The following YWHAE variants were observed in gnomAD, a reference collection of about 807,000 sequenced individuals.
YWHAE encodes 14-3-3 protein epsilon.
A neutral mutation model predicts 30.1 loss-of-function variants in YWHAE; 4 were observed. The ratio of observed to expected loss-of-function variants is 0.13; its 90% CI spans 0.07 to 0.30. YWHAE has a LOEUF of 0.30. Among genes scored for constraint, YWHAE ranks in the 10% least tolerant of loss-of-function variants. The pLI is 1.00. For synonymous variants in YWHAE, 118 were observed against 111.8 expected (o/e 1.06, Z -0.35); for missense variants, 121 against 315.9 (o/e 0.38, Z 4.68).
chr17:1,345,960 T>C (rs1359301966), intron 5 of YWHAE, among the ~76,000 whole-genome samples: 1 of 152,218 alleles, frequency 6.6e-6, no homozygotes, highest in East Asian at 1.9e-4. Flanking sequence ...CAATAAACTG[T>C]TGCCAAGAAG....
intron 1 of YWHAE, among the ~76,000 whole-genome samples, chr17:1,383,812 G>C (rs1182041993): frequency 6.6e-6 from 1 of 152,082 alleles, no homozygotes; most frequent in African/African-American, 2.4e-5. Flanking sequence ...CGCAATCTCC[G>C]CACTTTGGGA....
chr17:1,395,386 G>A (rs568866622), intron 1 of YWHAE, among the ~76,000 whole-genome samples: 40 of 151,950 alleles, frequency 2.6e-4, no homozygotes, highest in African/African-American at 8.9e-4. Flanking sequence ...AAAATTAGCC[G>A]AGTGTGGTGG....
intron 1 of YWHAE, among the ~76,000 whole-genome samples, chr17:1,382,441 CCGCCTCCCG>C (rs941567440): frequency 1.3e-5 from 2 of 150,630 alleles, no homozygotes; most frequent in Admixed American, 1.3e-4. Context: ...CCGGCAAGCT[CCGCCTCCCG>C]GGTTCTGGCC....
chr17:1,351,127 G>A (rs772528943), intron 5 of YWHAE, among the ~76,000 whole-genome samples: 2 of 151,978 alleles, frequency 1.3e-5, no homozygotes, highest in Non-Finnish European at 2.9e-5. Flanking sequence ...TTGGGAGGCC[G>A]AGATGGGCAG....
At chr17:1,392,110 A>G (rs900357578) in intron 1 of YWHAE, among the ~76,000 whole-genome samples, 3 of 152,134 alleles carry the variant, frequency 2.0e-5, no homozygotes, top group Non-Finnish European at 4.4e-5. Context: ...TGAGGTGCCC[A>G]GGGGGTCAAA....
At chr17:1,394,448 A>AAAAAAAAAAAAAACAAAC in intron 1 of YWHAE, among the ~76,000 whole-genome samples, 2 of 149,360 alleles carry the variant, frequency 1.3e-5, no homozygotes, top group African/African-American at 5.0e-5. Context: ...AAAAAAAAAA[A>AAAAAAAAAAAAAACAAAC]AAAAAAAAAA....
intron 1 of YWHAE, among the ~76,000 whole-genome samples, chr17:1,397,246 C>G (rs2073488312): frequency 6.6e-6 from 1 of 152,150 alleles, no homozygotes. Context: ...ACAGTAAGAG[C>G]TGTTTGAGAA....
chr17:1,397,606 A>C (rs2073494139), intron 1 of YWHAE, among the ~76,000 whole-genome samples: 1 of 152,200 alleles, frequency 6.6e-6, no homozygotes, highest in Admixed American at 6.6e-5. Context: ...TTTGGGTACA[A>C]GTACCCAACA....
intron 1 of YWHAE, among the ~76,000 whole-genome samples, chr17:1,385,549 C>A (rs1202169030): frequency 2.0e-5 from 3 of 152,110 alleles, no homozygotes; most frequent in African/African-American, 7.2e-5. Flanking sequence ...ACAATTTTTC[C>A]ACAGACCAGT....
chr17:1,382,112 A>C (rs1436857512), intron 1 of YWHAE, among the ~76,000 whole-genome samples: 1 of 152,062 alleles, frequency 6.6e-6, no homozygotes, highest in Non-Finnish European at 1.5e-5. Context: ...GCAGTGGCGC[A>C]ATCTCGGCTC....
chr17:1,362,033 A>C lies in YWHAE; in HGVS notation c.265-25T>G, dbSNP rs2072872457. The C allele has an allele frequency of 2.9e-6, 4 of 1,385,128 alleles. No homozygotes were observed. The East Asian group carries it at 9.9e-5, about 34-fold the overall frequency. The allele number at this position is 1,385,128 out of a possible 1,614,324, so 85.8% of individuals were successfully genotyped here. ...CCTAAAAAAAAAAAAATTTTTTTTAAATCAGATTAAGTCTAGAAATTCTAC... is the reference window on the plus strand; with the variant it reads ...CCTAAAAAAAAAAAAATTTTTTTTACATCAGATTAAGTCTAGAAATTCTAC... On this transcript the variant is annotated intron_variant, in intron 2 of 5. Transcript: ENST00000264335.
intron 1 of YWHAE, among the ~76,000 whole-genome samples, chr17:1,386,198 A>G (rs2073298193): frequency 6.6e-6 from 1 of 152,232 alleles, no homozygotes; most frequent in Admixed American, 6.5e-5. Flanking sequence ...GAAACACTTT[A>G]AAGAGGTTTT....
At chr17:1,367,810 AAGAC>A (rs1345873925) in intron 1 of YWHAE, among the ~76,000 whole-genome samples, 4 of 152,302 alleles carry the variant, frequency 2.6e-5, no homozygotes, top group East Asian at 1.9e-4. Flanking sequence ...ACAAACTAAA[AAGAC>A]AGAAAGCAAA....
intron 4 of YWHAE, among the ~76,000 whole-genome samples, chr17:1,358,829 T>TA (rs35681702): frequency 0.32 from 35,909 of 110,912 alleles, 6,366 homozygotes; most frequent in African/African-American, 0.4. Flanking sequence ...GACTCCATCT[T>TA]AAAAAAAAAA....
intron 1 of YWHAE, among the ~76,000 whole-genome samples, chr17:1,382,094 G>A (rs2073220007): frequency 6.6e-6 from 1 of 152,040 alleles, no homozygotes; most frequent in Non-Finnish European, 1.5e-5. Flanking sequence ...TGTCACCCAG[G>A]CTGGAGTGCA....
At chr17:1,363,872 T>C (rs952929107) in intron 2 of YWHAE, among the ~76,000 whole-genome samples, 1 of 151,890 alleles carries the variant, frequency 6.6e-6, no homozygotes, top group Non-Finnish European at 1.5e-5. Flanking sequence ...TAGAATCGGT[T>C]ACTCAACAGC....
At chr17:1,376,661 C>G (rs2073129494) in intron 1 of YWHAE, among the ~76,000 whole-genome samples, 1 of 152,120 alleles carries the variant, frequency 6.6e-6, no homozygotes, top group South Asian at 2.1e-4. Context: ...CCTGATTTTC[C>G]CAAGACTGTC....
chr17:1,389,455 T>A (rs772040708), intron 1 of YWHAE, among the ~76,000 whole-genome samples: 1 of 152,152 alleles, frequency 6.6e-6, no homozygotes, highest in Non-Finnish European at 1.5e-5. Flanking sequence ...ACAAAATTGG[T>A]CATAGCTAAC....
chr17:1,394,460 A>AACAAC (rs2073436678), intron 1 of YWHAE, among the ~76,000 whole-genome samples: 1 of 137,544 alleles, frequency 7.3e-6, no homozygotes, highest in African/African-American at 2.9e-5. Flanking sequence ...AAAAAAAAAA[A>AACAAC]ACACAAAAAT....
Sources: gnomAD v4.1 joint callset for allele counts (sites outside exome capture counted in the v4.1 genomes callset) on GRCh38, gnomAD v4.1.1 for gene constraint, MANE v1.5 for transcripts, NCBI Gene and HGNC (gene_info 2026-07-23, HGNC 2026-07-21) for gene names.